NETO2: variants seen among roughly 807,000 people sequenced by gnomAD.
The protein encoded by NETO2 is neuropilin and tolloid-like protein 2.
In NETO2, 28 loss-of-function variants were observed where a neutral mutation model predicts 62.5. That is an observed-to-expected ratio of 0.45 (90% confidence interval 0.33 to 0.61). NETO2 has a LOEUF of 0.61. Among genes scored for constraint, NETO2 ranks in the 20% least tolerant of loss-of-function variants. The probability of loss-of-function intolerance (pLI) is 0.02; values close to 1 mark genes in which losing one functional copy is unlikely to be tolerated. For synonymous variants in NETO2, 214 were observed against 219.1 expected (o/e 0.98, Z 0.21); for missense variants, 548 against 643.2 (o/e 0.85, Z 1.60).
At chr16:47,104,643 G>C (rs553129731) in intron 7 of NETO2, among the ~76,000 whole-genome samples, 19 of 152,142 alleles carry the variant, frequency 1.2e-4, no homozygotes, top group Non-Finnish European at 2.5e-4. Context: ...CAAATCTACA[G>C]TTATCAAAAC....
intron 6 of NETO2, among the ~76,000 whole-genome samples, chr16:47,118,170 T>C (rs1019486642): frequency 6.6e-6 from 1 of 152,088 alleles, no homozygotes; most frequent in African/African-American, 2.4e-5. Context: ...AACTAAGTTG[T>C]GTTCGCACTG....
In NETO2 at chr16:47,096,500, G is replaced by C. The variant is rs562694141; in HGVS notation, c.884-10161C>G. Among the ~76,000 whole-genome samples the C allele has an allele frequency of 4.6e-5, 7 of 152,216 alleles. No individual in the cohort carries two copies. In the East Asian group the frequency reaches 1.4e-3, roughly 29 times the overall value. On this transcript the variant is annotated intron_variant, in intron 7 of 8. Coordinates refer to ENST00000562435, the MANE Select transcript of NETO2 (RefSeq NM_018092.5). ...CTGACGTATATAAAAAGAATCATAA[G>C]TGAATACTAAGAACAACTGTATGCC...
chr16:47,093,951 C>T lies in NETO2; in HGVS notation c.884-7612G>A, dbSNP rs116390416. Reference sequence around the variant, plus strand: ...CTAAAATATTTGTTTCTTTTCATGACAATAGATAAGATATACCACTTATAA... The same window carrying T: ...CTAAAATATTTGTTTCTTTTCATGATAATAGATAAGATATACCACTTATAA... On this transcript the variant is annotated intron_variant, in intron 7 of 8. Coordinates refer to ENST00000562435, the MANE Select transcript of NETO2 (RefSeq NM_018092.5). 1.5e-3 allele frequency among the ~76,000 whole-genome samples: 228 copies of T among 152,234 alleles called. 2 individuals carry two copies. Among genetic ancestry groups the T allele is most frequent in the African/African-American group, 5.3e-3 (219 of 41,536 alleles).
intron 1 of NETO2, among the ~76,000 whole-genome samples, chr16:47,142,513 G>A (rs1369595042): frequency 1.3e-5 from 2 of 152,138 alleles, no homozygotes; most frequent in Non-Finnish European, 2.9e-5. Flanking sequence ...CAAATATTAA[G>A]ATACAGTGCT....
chr16:47,085,464 C>A lies in NETO2; in HGVS notation c.997+762G>T, dbSNP rs371298914. Among the ~76,000 whole-genome samples the A allele has an allele frequency of 4.6e-5, 7 of 152,168 alleles. No individual in the cohort carries two copies. In the East Asian group the frequency reaches 9.7e-4, roughly 21 times the overall value. ...TGGCGCAATCTCGGCTCACTGCAACCTCTGCCTGCCGAGTTCAAGCAATTC... is the reference window on the plus strand; with the variant it reads ...TGGCGCAATCTCGGCTCACTGCAACATCTGCCTGCCGAGTTCAAGCAATTC... On this transcript the variant is annotated intron_variant, in intron 8 of 8. Transcript: ENST00000562435.
chr16:47,120,894 T>A lies in NETO2; in HGVS notation c.654+1763A>T, dbSNP rs76436095. Among the ~76,000 whole-genome samples, 117 of 152,298 alleles carry A rather than the reference T, an allele frequency of 7.7e-4. No homozygotes were observed. The East Asian group carries it at 0.019, about 24-fold the overall frequency. On this transcript the variant is annotated intron_variant, in intron 6 of 8. Coordinates refer to ENST00000562435, the MANE Select transcript of NETO2 (RefSeq NM_018092.5). Reference sequence around the variant, plus strand: ...ATGCTTTTCATTAGTTCTTGAAATTTTTTTTTTCTTTTTTTTCCTTTTCAT... The same window carrying A: ...ATGCTTTTCATTAGTTCTTGAAATTATTTTTTTCTTTTTTTTCCTTTTCAT...
At chr16:47,130,360 C>G (rs1187102946) in intron 2 of NETO2, among the ~76,000 whole-genome samples, 1 of 152,086 alleles carries the variant, frequency 6.6e-6, no homozygotes, top group Non-Finnish European at 1.5e-5. Context: ...CACCTGCAGA[C>G]AGTTAACGAT....
intron 6 of NETO2, among the ~76,000 whole-genome samples, chr16:47,113,522 G>A (rs185638249): frequency 5.9e-5 from 9 of 151,622 alleles, no homozygotes; most frequent in Admixed American, 4.6e-4. Context: ...ACTGCATGTA[G>A]CTGTAGTTTA....
At chr16:47,093,315 T>C (rs1379329194) in intron 7 of NETO2, among the ~76,000 whole-genome samples, 1 of 152,130 alleles carries the variant, frequency 6.6e-6, no homozygotes, top group African/African-American at 2.4e-5. Context: ...ATTTCTACCT[T>C]CAAAATATAT....
intron 7 of NETO2, among the ~76,000 whole-genome samples, chr16:47,097,389 T>C (rs903315889): frequency 1.3e-5 from 2 of 152,324 alleles, no homozygotes; most frequent in South Asian, 4.1e-4. Context: ...CCCCTCACAG[T>C]GTAAACAAAG....
At chr16:47,136,998 TTACAAACA>T (rs373318387) in intron 1 of NETO2, among the ~76,000 whole-genome samples, 78 of 152,298 alleles carry the variant, frequency 5.1e-4, no homozygotes, top group African/African-American at 1.7e-3. Context: ...AAATTCAGCC[TTACAAACA>T]TACAAACATA....
At chr16:47,090,173 G>A (rs144289325) in intron 7 of NETO2, among the ~76,000 whole-genome samples, 8 of 152,182 alleles carry the variant, frequency 5.3e-5, no homozygotes, top group Admixed American at 2.0e-4. Context: ...TTACCACTCC[G>A]TGTTCATCAC....
intron 7 of NETO2, among the ~76,000 whole-genome samples, chr16:47,101,022 C>A (rs145022889): frequency 4.2e-4 from 64 of 152,302 alleles, no homozygotes; most frequent in African/African-American, 1.5e-3. Flanking sequence ...AGGCCAATAT[C>A]CCTGATGAAC....
At chr16:47,136,754 G>T (rs1476320935) in intron 1 of NETO2, among the ~76,000 whole-genome samples, 1 of 152,042 alleles carries the variant, frequency 6.6e-6, no homozygotes, top group African/African-American at 2.4e-5. Context: ...TTGGTGAAAG[G>T]ATGGATTTAA....
intron 6 of NETO2, among the ~76,000 whole-genome samples, chr16:47,114,260 C>T (rs1963860980): frequency 6.6e-6 from 1 of 151,446 alleles, no homozygotes; most frequent in Admixed American, 6.6e-5. Flanking sequence ...GGTGAAGTAT[C>T]TGTTGAAATC....
intron 7 of NETO2, among the ~76,000 whole-genome samples, chr16:47,101,269 T>C (rs552830037): frequency 1.3e-5 from 2 of 152,256 alleles, no homozygotes; most frequent in East Asian, 1.9e-4. Flanking sequence ...AAACCAGGTA[T>C]TGATGGAACG....
At chr16:47,098,877 ATTC>A (rs1280033720) in intron 7 of NETO2, among the ~76,000 whole-genome samples, 1 of 152,088 alleles carries the variant, frequency 6.6e-6, no homozygotes, top group Non-Finnish European at 1.5e-5. Context: ...AATATGCAAC[ATTC>A]TTTTTTTTTG....
intron 7 of NETO2, among the ~76,000 whole-genome samples, chr16:47,100,221 A>G (rs1286107218): frequency 6.6e-6 from 1 of 152,230 alleles, no homozygotes; most frequent in Non-Finnish European, 1.5e-5. Context: ...TGGGGTAAAT[A>G]ACAAAATTAA....
intron 7 of NETO2, among the ~76,000 whole-genome samples, chr16:47,087,420 T>C (rs960440366): frequency 1.3e-5 from 2 of 152,050 alleles, no homozygotes; most frequent in Admixed American, 6.5e-5. Flanking sequence ...GAAAGTAGAA[T>C]AGAGATTACC....
Sources: gnomAD v4.1 joint callset for allele counts (sites outside exome capture counted in the v4.1 genomes callset) on GRCh38, gnomAD v4.1.1 for gene constraint, MANE v1.5 for transcripts, NCBI Gene and HGNC (gene_info 2026-07-23, HGNC 2026-07-21) for gene names.